Variants in INSYN2A observed in about 807,000 individuals in gnomAD.
INSYN2A encodes the protein family with sequence similarity 196 member A.
INSYN2A carries 17 observed loss-of-function variants against 39.4 expected under a neutral mutation model. The ratio of observed to expected loss-of-function variants is 0.43; its 90% confidence interval spans 0.30 to 0.65. INSYN2A has a LOEUF of 0.65. INSYN2A is among the 30% of genes least tolerant of loss of function. The pLI is 0.14. For synonymous variants in INSYN2A, 255 were observed against 265.7 expected, an observed-to-expected ratio of 0.96 and a Z score of 0.39; for missense variants, 595 against 631.2, an observed-to-expected ratio of 0.94 and a Z score of 0.61.
chr10:127,188,525 C>A (rs2056478747), intron 2 of INSYN2A, among the ~76,000 whole-genome samples: 1 of 152,182 alleles, frequency 6.6e-6, no homozygotes, highest in Non-Finnish European at 1.5e-5. Flanking sequence ...ACAGTCTTTG[C>A]ACAGTGAATA....
intron 5 of INSYN2A, among the ~76,000 whole-genome samples, chr10:127,143,290 G>A (rs2133325018): frequency 6.6e-6 from 1 of 152,310 alleles, no homozygotes; most frequent in African/African-American, 2.4e-5. Flanking sequence ...TGTCTTTGGG[G>A]TCTCTAGCCT....
rs1426852802 is a variant in INSYN2A, at chr10:127,135,716, C to T, written c.*2121G>A. The T allele has an allele frequency of 6.6e-6, 1 of 152,530 alleles. No individual in the cohort carries two copies. Among genetic ancestry groups the T allele is most frequent in the African/African-American group, 2.4e-5 (1 of 41,426 alleles). 9.4% of individuals were successfully genotyped at this position (152,530 alleles called of 1,614,324 possible). On this transcript the variant is annotated 3_prime_UTR_variant, in exon 6 of 6. Coordinates refer to ENST00000522781, the MANE Select transcript of INSYN2A (RefSeq NM_001039762.3). ...TTTATCTTCAGAAGTTCCTTTTTGACTCTGAACATTTTAATTTTATTTTTT... is the reference window on the plus strand; with the variant it reads ...TTTATCTTCAGAAGTTCCTTTTTGATTCTGAACATTTTAATTTTATTTTTT...
chr10:127,153,703 A>C, intron 5 of INSYN2A, 149 bp downstream of exon 5: 1 of 638,466 alleles, frequency 1.6e-6, no homozygotes, highest in South Asian at 1.9e-5. Flanking sequence ...GGGTATTTAG[A>C]GGTAGCTTAG....
chr10:127,153,327 A>C (rs574711930), intron 5 of INSYN2A, among the ~76,000 whole-genome samples: 1 of 152,344 alleles, frequency 6.6e-6, no homozygotes, highest in African/African-American at 2.4e-5. Flanking sequence ...TCATATAAAC[A>C]AACTTCAAAT....
At position 127,195,997 on chromosome 10, in the gene INSYN2A, C is replaced by T. The variant is rs928694377; in HGVS notation, c.-395G>A. ...GGAGGGCACGCGGGGCTCCGCTTAC[C>T]TTCCGCTGCTTACAGATAAGTCGAG... On this transcript the variant is annotated splice_region_variant and 5_prime_UTR_variant, in exon 1 of 6. Coordinates refer to ENST00000522781, the MANE Select transcript of INSYN2A (RefSeq NM_001039762.3). 3.3e-5 allele frequency: 5 copies of T among 152,170 alleles called. No homozygotes were observed. Among genetic ancestry groups the T allele is most frequent in the Admixed American group, 3.3e-4 (5 of 15,288 alleles). 9.4% of individuals were successfully genotyped at this position (152,170 alleles called of 1,614,324 possible).
chr10:127,153,762 C>A, intron 5 of INSYN2A, 90 bp downstream of exon 5: 1 of 1,010,806 alleles, frequency 9.9e-7, no homozygotes. Context: ...AGAATCATCC[C>A]AGCATGGCCC....
intron 2 of INSYN2A, among the ~76,000 whole-genome samples, chr10:127,187,338 C>T (rs754205852): frequency 7.2e-5 from 11 of 152,108 alleles, no homozygotes; most frequent in African/African-American, 2.4e-4. Context: ...AAGTTAGCAT[C>T]GTAGTGAGTA....
At chr10:127,143,667 A>G (rs1197295987) in intron 5 of INSYN2A, among the ~76,000 whole-genome samples, 1 of 152,176 alleles carries the variant, frequency 6.6e-6, no homozygotes, top group Non-Finnish European at 1.5e-5. Flanking sequence ...TGTGAGTGCC[A>G]TGGGCAACAC....
In INSYN2A at chr10:127,187,820, C is replaced by T. The variant is rs576827654; in HGVS notation, c.-269+4785G>A. ...CAAGCAAAAGCAAAAGCATATTGGT[C>T]TCTACCCCAGTCCAGGTAAATCAGA... is the stretch of plus-strand genomic sequence containing the variant. On this transcript the variant is annotated intron_variant, in intron 2 of 5. Transcript: ENST00000522781. Among the ~76,000 whole-genome samples the T allele has an allele frequency of 1.2e-4, 18 of 152,250 alleles. No homozygotes were observed. The East Asian group carries it at 3.1e-3, about 26-fold the overall frequency.
At chr10:127,172,274 A>T (rs1409049440) in intron 4 of INSYN2A, among the ~76,000 whole-genome samples, 1 of 152,104 alleles carries the variant, frequency 6.6e-6, no homozygotes, top group Non-Finnish European at 1.5e-5. Context: ...TTAGGATTTC[A>T]TGAGATTGAA....
rs1389169818 is a variant in INSYN2A, at chr10:127,137,195, A to C, written c.*642T>G. On this transcript the variant is annotated 3_prime_UTR_variant, in exon 6 of 6. Coordinates refer to ENST00000522781, the MANE Select transcript of INSYN2A (RefSeq NM_001039762.3). ...AAACATGTCGTAAGTCTGGAGATGA[A>C]GAGGATGCTAAATTTGAGGTGTCGT... 2.0e-5 allele frequency: 3 copies of C among 152,650 alleles called. No individual in the cohort carries two copies. Among genetic ancestry groups the C allele is most frequent in the Non-Finnish European group, 4.4e-5 (3 of 68,066 alleles). The allele number at this position is 152,650 out of a possible 1,614,324, so 9.5% of individuals were successfully genotyped here. A position where few individuals can be genotyped will look rare whatever the true frequency, so the allele number is the denominator to read the frequency against.
intron 5 of INSYN2A, among the ~76,000 whole-genome samples, chr10:127,145,531 G>C (rs1219189016): frequency 6.6e-6 from 1 of 151,990 alleles, no homozygotes; most frequent in African/African-American, 2.4e-5. Flanking sequence ...ACACAGGGCT[G>C]TTGTCCTCCT....
Position 127,135,735 on chromosome 10 carries a change from A to T in INSYN2A, c.*2102T>A, listed in dbSNP as rs985052368. 6.6e-6 allele frequency: 1 copy of T among 151,514 alleles called. No homozygotes were observed. Among genetic ancestry groups the T allele is most frequent in the African/African-American group, 2.4e-5 (1 of 41,128 alleles). 9.4% of individuals were successfully genotyped at this position (151,514 alleles called of 1,614,324 possible). A position where few individuals can be genotyped will look rare whatever the true frequency, so the allele number is the denominator to read the frequency against. ...TTTTGACTCTGAACATTTTAATTTT[A>T]TTTTTTTTTGGTCTAGACTGGTGTG... On this transcript the variant is annotated 3_prime_UTR_variant, in exon 6 of 6. Transcript: ENST00000522781.
At chr10:127,146,021 C>G (rs1336116290) in intron 5 of INSYN2A, 1 of 518,086 alleles carries the variant, frequency 1.9e-6, no homozygotes, top group Non-Finnish European at 3.9e-6. Context: ...CTCTATTCCC[C>G]ATGGAATTTC....
At chr10:127,168,108 C>T (rs916003316) in intron 4 of INSYN2A, among the ~76,000 whole-genome samples, 7 of 152,052 alleles carry the variant, frequency 4.6e-5, no homozygotes, top group African/African-American at 1.4e-4. Flanking sequence ...AGCCTGTGCA[C>T]GCAGGTCAGG....
intron 4 of INSYN2A, among the ~76,000 whole-genome samples, chr10:127,165,528 C>A (rs2053995962): frequency 6.6e-6 from 1 of 152,068 alleles, no homozygotes; most frequent in South Asian, 2.1e-4. Flanking sequence ...CATTTTTTCC[C>A]CCAGGATCTC....
At chr10:127,160,782 T>C (rs2053532056) in intron 4 of INSYN2A, among the ~76,000 whole-genome samples, 1 of 152,228 alleles carries the variant, frequency 6.6e-6, no homozygotes, top group Admixed American at 6.5e-5. Context: ...TTTTTGCCGT[T>C]AATTTATTCT....
intron 5 of INSYN2A, among the ~76,000 whole-genome samples, chr10:127,150,975 G>C (rs1592242859): frequency 6.6e-6 from 1 of 152,186 alleles, no homozygotes; most frequent in South Asian, 2.1e-4. Context: ...TCAAATGGGA[G>C]ATTTCAATTC....
rs796208082 is a variant in INSYN2A at position 127,138,834 on chromosome 10, G to A, written c.1257-814C>T. ...ATGTTATTTCTTACAGCATTTCTCC[G>A]AAAATTGCTGTCAACTTGTCTAGAG... On this transcript the variant is annotated intron_variant, in intron 5 of 5. Transcript: ENST00000522781. Among the ~76,000 whole-genome samples, 21 of 152,302 alleles carry A rather than the reference G, an allele frequency of 1.4e-4. 1 individual carries two copies. Among genetic ancestry groups the A allele is most frequent in the African/African-American group, 4.1e-4 (17 of 41,576 alleles).
Sources: gnomAD v4.1 joint callset for allele counts (sites outside exome capture counted in the v4.1 genomes callset) on GRCh38, gnomAD v4.1.1 for gene constraint, MANE v1.5 for transcripts, NCBI Gene and HGNC (gene_info 2026-07-23, HGNC 2026-07-21) for gene names.